SLC4A10: variants seen among roughly 807,000 people sequenced by gnomAD.
SLC4A10 encodes the protein sodium-driven chloride bicarbonate exchanger.
Under a neutral mutation model 137.7 loss-of-function variants are expected in SLC4A10, and 42 were observed. The ratio of observed to expected loss-of-function variants is 0.30; its 90% CI spans 0.24 to 0.39. The LOEUF (loss-of-function observed/expected upper bound fraction) is 0.39, where lower values mean the gene tolerates loss of function less well. Among genes scored for constraint, SLC4A10 ranks in the 10% least tolerant of loss-of-function variants. SLC4A10 has a pLI of 1.00. For missense variants in SLC4A10, 925 were observed against 1,355.0 expected (o/e 0.68, Z 4.98); for synonymous variants, 474 against 464.1 (o/e 1.02, Z -0.27).
At chr2:161,660,998 G>C (rs532600510) in intron 1 of SLC4A10, among the ~76,000 whole-genome samples, 21 of 151,848 alleles carry the variant, frequency 1.4e-4, no homozygotes, top group Admixed American at 9.8e-4. Flanking sequence ...TTATAAATAA[G>C]CTTTGATTAT....
chr2:161,720,210 T>G (rs886979746), intron 1 of SLC4A10, among the ~76,000 whole-genome samples: 1 of 152,198 alleles, frequency 6.6e-6, no homozygotes, highest in Admixed American at 6.5e-5. Flanking sequence ...GTTGTAGATA[T>G]GCAGTGTTAT....
intron 17 of SLC4A10, among the ~76,000 whole-genome samples, chr2:161,948,076 C>G (rs1034983616): frequency 6.6e-6 from 1 of 152,232 alleles, no homozygotes. Context: ...GTTACATTCT[C>G]TAATTGGGGA....
intron 1 of SLC4A10, among the ~76,000 whole-genome samples, chr2:161,769,015 A>T (rs1171786325): frequency 1.3e-5 from 2 of 152,002 alleles, no homozygotes; most frequent in Non-Finnish European, 2.9e-5. Context: ...GCCTTAAATT[A>T]TAAATCTACT....
At chr2:161,769,452 G>A (rs898527243) in intron 1 of SLC4A10, among the ~76,000 whole-genome samples, 1 of 151,844 alleles carries the variant, frequency 6.6e-6, no homozygotes, top group Admixed American at 6.6e-5. Flanking sequence ...TGCAGTGGGG[G>A]GTAAGCTAAT....
intron 1 of SLC4A10, among the ~76,000 whole-genome samples, chr2:161,769,486 G>A (rs954205568): frequency 9.9e-5 from 15 of 151,848 alleles, no homozygotes; most frequent in Non-Finnish European, 1.5e-5. Flanking sequence ...GCTTTGCAAG[G>A]CAAGAACTAT....
chr2:161,828,907 G>T (rs1300352523), intron 3 of SLC4A10, among the ~76,000 whole-genome samples: 1 of 146,602 alleles, frequency 6.8e-6, no homozygotes, highest in Non-Finnish European at 1.5e-5. Flanking sequence ...ATATTTTCTT[G>T]CATTATTCTA....
chr2:161,723,567 C>A (rs1023034087), intron 1 of SLC4A10, among the ~76,000 whole-genome samples: 1 of 152,156 alleles, frequency 6.6e-6, no homozygotes, highest in Non-Finnish European at 1.5e-5. Flanking sequence ...CATAATCTTT[C>A]TGATAATTTT....
chr2:161,891,094 C>A (rs2062859477), intron 10 of SLC4A10, among the ~76,000 whole-genome samples: 1 of 152,082 alleles, frequency 6.6e-6, no homozygotes, highest in Non-Finnish European at 1.5e-5. Flanking sequence ...GTTGAAATTT[C>A]TTTTCTTTAA....
At chr2:161,960,675 ATGCTAC>A (rs1458187800) in intron 21 of SLC4A10, among the ~76,000 whole-genome samples, 1 of 151,084 alleles carries the variant, frequency 6.6e-6, no homozygotes, top group East Asian at 2.0e-4. Context: ...AGCCGAGATC[ATGCTAC>A]TGCACTCCAG....
chr2:161,909,606 G>A (rs1685340900), intron 15 of SLC4A10, among the ~76,000 whole-genome samples: 1 of 152,314 alleles, frequency 6.6e-6, no homozygotes, highest in East Asian at 1.9e-4. Flanking sequence ...CACTCCAGTT[G>A]TTAAGCCTTG....
chr2:161,867,688 T>A (rs2060848027), intron 6 of SLC4A10, among the ~76,000 whole-genome samples: 1 of 152,016 alleles, frequency 6.6e-6, no homozygotes, highest in African/African-American at 2.4e-5. Context: ...TCTCCGAGTT[T>A]AATTGTTTGC....
intron 1 of SLC4A10, among the ~76,000 whole-genome samples, chr2:161,726,994 T>C (rs62189015): frequency 0.08 from 12,186 of 152,244 alleles, 605 homozygotes; most frequent in East Asian, 0.14. Flanking sequence ...AAATACTCTT[T>C]CTCCTCACTT....
chr2:161,666,733 G>T (rs1389674094), intron 1 of SLC4A10, among the ~76,000 whole-genome samples: 1 of 151,566 alleles, frequency 6.6e-6, no homozygotes, highest in Non-Finnish European at 1.5e-5. Flanking sequence ...ATACTTACTG[G>T]AACATACTAT....
At chr2:161,803,554 T>G (rs1308779129) in intron 2 of SLC4A10, among the ~76,000 whole-genome samples, 1 of 152,180 alleles carries the variant, frequency 6.6e-6, no homozygotes. Context: ...TGACAACTGC[T>G]GATATTTTTA....
chr2:161,627,606 AG>A (rs1187538745), intron 1 of SLC4A10, among the ~76,000 whole-genome samples: 1 of 152,130 alleles, frequency 6.6e-6, no homozygotes, highest in African/African-American at 2.4e-5. Flanking sequence ...ATACGGGCAG[AG>A]GAGGCCTAGA....
chr2:161,632,964 A>G (rs2033828029), intron 1 of SLC4A10, among the ~76,000 whole-genome samples: 1 of 151,656 alleles, frequency 6.6e-6, no homozygotes, highest in African/African-American at 2.4e-5. Context: ...CTTATTTAGC[A>G]TATTACCTAT....
intron 1 of SLC4A10, among the ~76,000 whole-genome samples, chr2:161,660,648 C>A (rs1341663550): frequency 7.4e-6 from 1 of 135,862 alleles, no homozygotes; most frequent in East Asian, 2.1e-4. Flanking sequence ...TTCCTTCTTT[C>A]TTTCTTTCTT....
At chr2:161,664,504 TAA>T (rs1269159639) in intron 1 of SLC4A10, among the ~76,000 whole-genome samples, 1 of 151,940 alleles carries the variant, frequency 6.6e-6, no homozygotes, top group Non-Finnish European at 1.5e-5. Flanking sequence ...TTCTTGTAAA[TAA>T]AGTCTTTTTA....
intron 1 of SLC4A10, among the ~76,000 whole-genome samples, chr2:161,660,577 TTTCTTTCTTTCTTTC>T (rs1389873411): frequency 7.8e-6 from 1 of 128,196 alleles, no homozygotes; most frequent in Non-Finnish European, 1.8e-5. Flanking sequence ...TCTTTCTTTC[TTTCTTTCTTTCTTTC>T]TTTCTTTCTT....
Sources: gnomAD v4.1 joint callset for allele counts (sites outside exome capture counted in the v4.1 genomes callset) on GRCh38, gnomAD v4.1.1 for gene constraint, MANE v1.5 for transcripts, NCBI Gene and HGNC (gene_info 2026-07-23, HGNC 2026-07-21) for gene names.